Variants in IL21R observed in about 807,000 individuals in gnomAD.
The protein encoded by IL21R is interleukin 21 receptor, also known as interleukin-21 receptor.
IL21R carries 14 observed loss-of-function variants against 41.3 expected under a neutral mutation model. The observed-to-expected ratio is 0.34, with a 90% CI of 0.22 to 0.53. IL21R has a LOEUF of 0.53. Among genes scored for constraint, IL21R ranks in the 20% least tolerant of loss-of-function variants. The pLI is 0.94. For synonymous variants in IL21R, 286 were observed against 287.6 expected, an observed-to-expected ratio of 0.99 and a Z score of 0.05; for missense variants, 588 against 681.6, an observed-to-expected ratio of 0.86 and a Z score of 1.53.
intron 1 of IL21R, among the ~76,000 whole-genome samples, chr16:27,417,952 T>C (rs1429476340): frequency 6.6e-6 from 1 of 152,094 alleles, no homozygotes; most frequent in African/African-American, 2.4e-5. Flanking sequence ...ACTCTAAATT[T>C]ATTTGAATTT....
rs920541395 is a variant in IL21R at position 27,449,340 on chromosome 16, A to C, written c.*57A>C. ...GCCACTGGGCCCTGAGCCAGAGACA[A>C]GGTCACCTGGGCTGTGATGTGAAGA... On this transcript the variant is annotated 3_prime_UTR_variant, in exon 9 of 9. Transcript: ENST00000337929. 2 of 1,510,166 alleles carry C rather than the reference A, an allele frequency of 1.3e-6. No homozygotes were observed. The highest frequency in any genetic ancestry group is 1.8e-6 in the Non-Finnish European group (2 of 1,131,754). The allele number at this position is 1,510,166 out of a possible 1,614,324, so 93.5% of individuals were successfully genotyped here. A position where few individuals can be genotyped will look rare whatever the true frequency, so the allele number is the denominator to read the frequency against.
At chr16:27,427,484 C>A in intron 1 of IL21R, 1 of 210,708 alleles carries the variant, frequency 4.7e-6, no homozygotes, top group Non-Finnish European at 8.2e-6. Context: ...CAGCCTGGAC[C>A]TCCGGCACTC....
chr16:27,425,657 G>A (rs62032072), intron 1 of IL21R, among the ~76,000 whole-genome samples: 6,367 of 151,990 alleles, frequency 0.042, 144 homozygotes, highest in Non-Finnish European at 0.054. Flanking sequence ...CTGGGTTCAA[G>A]CAATTCTCCT....
At chr16:27,431,649 C>T (rs1183832013) in intron 2 of IL21R, among the ~76,000 whole-genome samples, 1 of 151,824 alleles carries the variant, frequency 6.6e-6, no homozygotes, top group Non-Finnish European at 1.5e-5. Flanking sequence ...GTGAGGGGCC[C>T]ATCTTTGCTT....
chr16:27,427,846 ATCAC>A (rs1055008246), intron 1 of IL21R, among the ~76,000 whole-genome samples: 8 of 152,190 alleles, frequency 5.3e-5, no homozygotes, highest in Non-Finnish European at 1.0e-4. Context: ...AGGGGTTGGA[ATCAC>A]ACAGGATTCA....
chr16:27,417,917 T>G (rs756049524), intron 1 of IL21R, among the ~76,000 whole-genome samples: 3 of 152,172 alleles, frequency 2.0e-5, no homozygotes, highest in Non-Finnish European at 4.4e-5. Flanking sequence ...TCCTGTAAAC[T>G]TTATCAACAC....
intron 4 of IL21R, among the ~76,000 whole-genome samples, chr16:27,439,568 C>T (rs1041722464): frequency 6.6e-6 from 1 of 151,486 alleles, no homozygotes; most frequent in East Asian, 1.9e-4. Context: ...ACATCACACA[C>T]GGGCACACAT....
chr16:27,409,203 TTA>T (rs1391107258), intron 1 of IL21R, among the ~76,000 whole-genome samples: 2 of 147,398 alleles, frequency 1.4e-5, no homozygotes, highest in Non-Finnish European at 3.0e-5. Flanking sequence ...TATATGTTTA[TTA>T]TATATAATTT....
intron 1 of IL21R, among the ~76,000 whole-genome samples, chr16:27,425,554 G>GTT (rs11384296): frequency 1.7e-4 from 26 of 148,710 alleles, no homozygotes; most frequent in African/African-American, 6.2e-4. Flanking sequence ...TTTGTGTTTT[G>GTT]TTTTGTTTTT....
At chr16:27,441,026 G>C (rs2087378337) in intron 4 of IL21R, among the ~76,000 whole-genome samples, 1 of 143,862 alleles carries the variant, frequency 7.0e-6, no homozygotes, top group African/African-American at 2.6e-5. Context: ...ACTCCAGCCT[G>C]GGTGACAGAG....
chr16:27,413,021 TG>T (rs2086844399), intron 1 of IL21R, among the ~76,000 whole-genome samples: 3 of 152,178 alleles, frequency 2.0e-5, no homozygotes, highest in African/African-American at 7.2e-5. Context: ...ATGGCAAGTG[TG>T]GGCATCCATG....
intron 1 of IL21R, among the ~76,000 whole-genome samples, chr16:27,423,548 G>A (rs2087029760): frequency 6.6e-6 from 1 of 152,052 alleles, no homozygotes; most frequent in Non-Finnish European, 1.5e-5. Flanking sequence ...TTTTTATGAT[G>A]GGTGTGCTTA....
At position 27,450,986 on chromosome 16, in the gene IL21R, G is replaced by A. The variant is rs1596603140; in HGVS notation, c.*1703G>A. On this transcript the variant is annotated 3_prime_UTR_variant, in exon 9 of 9. Transcript: ENST00000337929. The stretch of plus-strand genomic sequence containing the variant: ...GCTGAGAGAATGCATGAGAGTCCTC[G>A]GTGCCTGGCAGGAGGCTGGAAGGTT... 8.7e-6 allele frequency: 2 copies of A among 231,166 alleles called. No individual in the cohort carries two copies. Among genetic ancestry groups the A allele is most frequent in the Admixed American group, 5.7e-5 (1 of 17,698 alleles). 14.3% of individuals were successfully genotyped at this position (231,166 alleles called of 1,614,324 possible). A position where few individuals can be genotyped will look rare whatever the true frequency, so the allele number is the denominator to read the frequency against.
At chr16:27,434,690 C>T (rs548469915) in intron 3 of IL21R, among the ~76,000 whole-genome samples, 54 of 152,148 alleles carry the variant, frequency 3.5e-4, no homozygotes, top group Non-Finnish European at 7.2e-4. Context: ...GCTGGTTTCC[C>T]GCATGATTTT....
intron 1 of IL21R, among the ~76,000 whole-genome samples, chr16:27,414,442 CTTG>C (rs1309928290): frequency 6.6e-6 from 1 of 151,746 alleles, no homozygotes; most frequent in African/African-American, 2.4e-5. Flanking sequence ...TTAGATTTGA[CTTG>C]TTAATATTTT....
intron 1 of IL21R, among the ~76,000 whole-genome samples, chr16:27,409,290 A>G (rs1465626726): frequency 6.7e-6 from 1 of 148,400 alleles, no homozygotes; most frequent in African/African-American, 2.4e-5. Flanking sequence ...TTACATATAT[A>G]TATAATTCTT....
chr16:27,431,977 C>CA (rs2087181315), intron 2 of IL21R, among the ~76,000 whole-genome samples: 2 of 152,190 alleles, frequency 1.3e-5, no homozygotes. Flanking sequence ...GCACCACCCC[C>CA]AGAGGGGACA....
intron 1 of IL21R, among the ~76,000 whole-genome samples, chr16:27,407,130 C>CTCAT (rs544486166): frequency 1.1e-3 from 165 of 152,244 alleles, no homozygotes; most frequent in African/African-American, 3.8e-3. Context: ...CATTTTTAGC[C>CTCAT]TCATTCATTC....
intron 1 of IL21R, among the ~76,000 whole-genome samples, chr16:27,422,110 C>T (rs1243665005): frequency 6.6e-6 from 1 of 151,990 alleles, no homozygotes; most frequent in Non-Finnish European, 1.5e-5. Flanking sequence ...AGAAGTTGTT[C>T]CATTGTCTGC....
Sources: gnomAD v4.1 joint callset for allele counts (sites outside exome capture counted in the v4.1 genomes callset) on GRCh38, gnomAD v4.1.1 for gene constraint, MANE v1.5 for transcripts, NCBI Gene and HGNC (gene_info 2026-07-23, HGNC 2026-07-21) for gene names.